ZBTB16: variants seen among roughly 807,000 people sequenced by gnomAD.
ZBTB16 encodes the protein zinc finger and BTB domain-containing protein 16.
In ZBTB16, 8 loss-of-function variants were observed where a neutral mutation model predicts 56.8. The ratio of observed to expected loss-of-function variants is 0.14; its 90% CI spans 0.08 to 0.25. ZBTB16 has a LOEUF of 0.25. Among genes scored for constraint, ZBTB16 ranks in the 10% least tolerant of loss-of-function variants. The probability of loss-of-function intolerance (pLI) is 1.00; values close to 1 mark genes in which losing one functional copy is unlikely to be tolerated. For synonymous variants in ZBTB16, 363 were observed against 368.5 expected, an observed-to-expected ratio of 0.98 and a Z score of 0.17; for missense variants, 625 against 903.0, an observed-to-expected ratio of 0.69 and a Z score of 3.95.
chr11:114,155,193 G>A (rs1023389695), intron 2 of ZBTB16, among the ~76,000 whole-genome samples: 3 of 152,260 alleles, frequency 2.0e-5, no homozygotes, highest in Admixed American at 6.5e-5. Context: ...CCACAGATCC[G>A]GCTTCTGGCT....
At position 114,242,207 on chromosome 11, in the gene ZBTB16, C is replaced by G. The variant is rs766283209; in HGVS notation, c.1494C>G (p.Arg498=). 6.2e-7 allele frequency: 1 copy of G among 1,613,888 alleles called. No individual in the cohort carries two copies. Among genetic ancestry groups the G allele is most frequent in the South Asian group, 1.1e-5 (1 of 91,084 alleles). The change falls in exon 5 of 7, where the codon CGC becomes CGG. Residue 498 remains arginine (R), a synonymous_variant. Coordinates refer to ENST00000335953, the MANE Select transcript of ZBTB16 (RefSeq NM_006006.6). The stretch of plus-strand genomic sequence containing the variant: ...TCTTCTGTCTGCTGTGTGGGAAGCG[C>G]TTCCAGGCGCAGAGCGCACTGCAGC... The part of the protein sequence containing the change: ...MAVFCLLCGK[R]FQAQSALQQH...
chr11:114,101,845 C>A (rs1027303745), intron 2 of ZBTB16, among the ~76,000 whole-genome samples: 3 of 152,122 alleles, frequency 2.0e-5, no homozygotes, highest in Admixed American at 2.0e-4. Flanking sequence ...TAGGGAGATA[C>A]ATTCATATAT....
intron 4 of ZBTB16, among the ~76,000 whole-genome samples, chr11:114,197,243 C>T (rs1391066444): frequency 6.6e-6 from 1 of 152,202 alleles, no homozygotes; most frequent in East Asian, 1.9e-4. Flanking sequence ...TGCTGGTTCT[C>T]ATCCACTGTG....
At chr11:114,078,327 A>G (rs1225652668) in intron 2 of ZBTB16, among the ~76,000 whole-genome samples, 3 of 152,182 alleles carry the variant, frequency 2.0e-5, no homozygotes, top group Admixed American at 2.0e-4. Context: ...TCCCACCCCT[A>G]CAAGTTGTTG....
intron 2 of ZBTB16, among the ~76,000 whole-genome samples, chr11:114,122,823 G>GT (rs1941381609): frequency 1.3e-5 from 2 of 152,284 alleles, no homozygotes; most frequent in South Asian, 4.1e-4. Flanking sequence ...AGCTTGGATA[G>GT]TTATCCACTC....
chr11:114,122,839 C>T (rs1243802035), intron 2 of ZBTB16, among the ~76,000 whole-genome samples: 1 of 152,124 alleles, frequency 6.6e-6, no homozygotes, highest in Admixed American at 6.6e-5. Context: ...CACTCTTGGC[C>T]AATCACTCAC....
intron 4 of ZBTB16, among the ~76,000 whole-genome samples, chr11:114,194,155 G>A (rs1014009284): frequency 6.6e-6 from 1 of 152,206 alleles, no homozygotes; most frequent in African/African-American, 2.4e-5. Context: ...TCCTCCTGGA[G>A]TAGGATACAG....
chr11:114,101,069 C>T (rs563931088), intron 2 of ZBTB16, among the ~76,000 whole-genome samples: 350 of 152,194 alleles, frequency 2.3e-3, no homozygotes, highest in African/African-American at 8.0e-3. Context: ...GGCATAATCT[C>T]GGCTCACTGC....
rs1173211554 is a variant in ZBTB16, at chr11:114,235,698, TCTTTC to T, written c.1454-6468_1454-6464del. On this transcript the variant is annotated intron_variant, in intron 4 of 6. Transcript: ENST00000335953. ...TCTTTCTTTCTTTCTTTCTTTTCTTTCTTTCTTTTCTTTCTTTCTTTTTCTTTCTT... is the reference window on the plus strand; with the variant it reads ...TCTTTCTTTCTTTCTTTCTTTTCTTTTTTTCTTTCTTTCTTTTTCTTTCTT... Among the ~76,000 whole-genome samples the T allele has an allele frequency of 5.7e-3, 754 of 133,258 alleles. 12 individuals are homozygous for T. The highest frequency in any genetic ancestry group is 0.011 in the Middle Eastern group (3 of 282). The allele number at this position is 133,258 out of a possible 152,430, so 87.4% of individuals were successfully genotyped here.
At position 114,251,812 on chromosome 11, in the gene ZBTB16, G is replaced by GC. The variant is rs1009296860; in HGVS notation, c.*1259dup. On this transcript the variant is annotated 3_prime_UTR_variant, in exon 7 of 7. Coordinates refer to ENST00000335953, the MANE Select transcript of ZBTB16 (RefSeq NM_006006.6). ...AGGAGGAGGATTTGAAAGCGCTTTG[G>GC]CCTTGTGTTATGTTTTGCTTCTTTT... Among the ~76,000 whole-genome samples, 1 of 152,138 alleles carries GC rather than the reference G, an allele frequency of 6.6e-6. No individual in the cohort carries two copies. Among genetic ancestry groups the GC allele is most frequent in the Admixed American group, 6.5e-5 (1 of 15,278 alleles).
intron 3 of ZBTB16, among the ~76,000 whole-genome samples, chr11:114,177,111 T>A (rs1943136180): frequency 6.6e-6 from 1 of 152,240 alleles, no homozygotes; most frequent in Non-Finnish European, 1.5e-5. Context: ...TCTATAATCA[T>A]GATAATGACT....
intron 2 of ZBTB16, among the ~76,000 whole-genome samples, chr11:114,075,639 A>ATG (rs72441441): frequency 6.7e-6 from 1 of 148,950 alleles, no homozygotes; most frequent in East Asian, 2.0e-4. Context: ...GTATATATAT[A>ATG]TATATATATT....
chr11:114,206,684 A>G (rs1047493488), intron 4 of ZBTB16, among the ~76,000 whole-genome samples: 7 of 152,266 alleles, frequency 4.6e-5, no homozygotes, highest in African/African-American at 1.4e-4. Context: ...GCCCGCTTTC[A>G]GAAAGCTAAC....
At chr11:114,109,716 T>G (rs1940934819) in intron 2 of ZBTB16, among the ~76,000 whole-genome samples, 1 of 151,966 alleles carries the variant, frequency 6.6e-6, no homozygotes, top group South Asian at 2.1e-4. Context: ...ATTTAGGGAT[T>G]GAACTCAGAG....
chr11:114,214,866 T>C (rs1190717206), intron 4 of ZBTB16, among the ~76,000 whole-genome samples: 1 of 152,184 alleles, frequency 6.6e-6, no homozygotes, highest in Non-Finnish European at 1.5e-5. Flanking sequence ...GAAATTATTT[T>C]TTTTCCTAAA....
At chr11:114,099,483 C>T (rs979293812) in intron 2 of ZBTB16, among the ~76,000 whole-genome samples, 1 of 151,334 alleles carries the variant, frequency 6.6e-6, no homozygotes, top group Non-Finnish European at 1.5e-5. Flanking sequence ...AAAGTAGTAA[C>T]AAGAAACATA....
chr11:114,243,544 A>G (rs1944755708), intron 5 of ZBTB16, among the ~76,000 whole-genome samples: 1 of 152,234 alleles, frequency 6.6e-6, no homozygotes, highest in Admixed American at 6.5e-5. Context: ...AGATTTGCAC[A>G]GAACTACTTA....
chr11:114,172,937 G>A (rs1404316822), intron 3 of ZBTB16, among the ~76,000 whole-genome samples: 1 of 152,160 alleles, frequency 6.6e-6, no homozygotes, highest in Admixed American at 6.5e-5. Flanking sequence ...CAATATTTCT[G>A]TTTTGAAAAG....
At chr11:114,229,339 G>C (rs996746003) in intron 4 of ZBTB16, among the ~76,000 whole-genome samples, 2 of 152,140 alleles carry the variant, frequency 1.3e-5, no homozygotes, top group South Asian at 2.1e-4. Context: ...TGATTAAATC[G>C]GATTTGTGGG....
Sources: allele counts gnomAD v4.1 joint callset (sites outside exome capture counted in the v4.1 genomes callset), GRCh38; gene constraint gnomAD v4.1.1; transcripts MANE v1.5; gene names NCBI Gene and HGNC (gene_info 2026-07-23, HGNC 2026-07-21).